Variants in HSD17B7 observed in about 807,000 individuals in gnomAD.
HSD17B7 encodes 3-keto-steroid reductase/17-beta-hydroxysteroid dehydrogenase 7.
A neutral mutation model predicts 34.1 loss-of-function variants in HSD17B7; 17 were observed. The ratio of observed to expected loss-of-function variants is 0.50; its 90% confidence interval spans 0.34 to 0.75. HSD17B7 has a LOEUF of 0.75. Ranked by LOEUF, HSD17B7 falls within the 30% of genes least tolerant of loss-of-function variation. HSD17B7 has a pLI of 0.01. For synonymous variants in HSD17B7, 122 were observed against 154.6 expected (o/e 0.79, Z 1.56); for missense variants, 296 against 406.6 (o/e 0.73, Z 2.34).
chr1:162,799,357 A>G (rs1315768655), intron 4 of HSD17B7: 2 of 158,004 alleles, frequency 1.3e-5, no homozygotes, highest in South Asian at 1.9e-4. Context: ...GTTTCTTACT[A>G]TCTGGCACTA....
intron 8 of HSD17B7, among the ~76,000 whole-genome samples, chr1:162,808,765 T>TC (rs1558097627): frequency 6.7e-5 from 10 of 148,590 alleles, no homozygotes; most frequent in African/African-American, 2.4e-4. Context: ...TTTGGCTCTC[T>TC]GTTTGTCTGT....
intron 8 of HSD17B7, among the ~76,000 whole-genome samples, chr1:162,807,719 G>A (rs537743889): frequency 6.6e-6 from 1 of 152,204 alleles, no homozygotes; most frequent in East Asian, 1.9e-4. Flanking sequence ...TTTCTCTGAT[G>A]GCCAGTGATG....
chr1:162,806,104 T>G (rs1648973711), intron 8 of HSD17B7, among the ~76,000 whole-genome samples: 1 of 152,196 alleles, frequency 6.6e-6, no homozygotes, highest in Non-Finnish European at 1.5e-5. Context: ...TGGTATAATC[T>G]AAAATGAAAT....
At chr1:162,809,694 G>A (rs1159721523) in intron 8 of HSD17B7, among the ~76,000 whole-genome samples, 1 of 152,018 alleles carries the variant, frequency 6.6e-6, no homozygotes, top group Non-Finnish European at 1.5e-5. Flanking sequence ...TTTAGTCTTG[G>A]GAGGGTGTAA....
intron 8 of HSD17B7, among the ~76,000 whole-genome samples, chr1:162,805,917 C>T (rs1332113078): frequency 1.3e-5 from 2 of 152,106 alleles, no homozygotes; most frequent in Non-Finnish European, 2.9e-5. Context: ...ACATGGTAGA[C>T]GCTCAGTAAA....
At chr1:162,791,581 T>C (rs1648407501) in intron 1 of HSD17B7, among the ~76,000 whole-genome samples, 1 of 110,254 alleles carries the variant, frequency 9.1e-6, no homozygotes, top group Admixed American at 1.1e-4. Context: ...TGATCCACTT[T>C]CAATTATTTA....
At chr1:162,800,307 CG>C (rs1648764631) in intron 5 of HSD17B7, 1 of 461,812 alleles carries the variant, frequency 2.2e-6, no homozygotes, top group African/African-American at 2.0e-5. Flanking sequence ...CACTAAATCT[CG>C]GAGAACTTAA....
chr1:162,808,524 T>C (rs1649065276), intron 8 of HSD17B7, among the ~76,000 whole-genome samples: 2 of 152,206 alleles, frequency 1.3e-5, no homozygotes, highest in African/African-American at 4.8e-5. Flanking sequence ...GGTAGCTTGA[T>C]GGGGATGGCA....
chr1:162,792,681 A>C lies in HSD17B7; in HGVS notation c.58A>C (p.Lys20Gln). The C allele has an allele frequency of 3.7e-6, 6 of 1,613,516 alleles. No individual in the cohort carries two copies. Among genetic ancestry groups the C allele is most frequent in the Non-Finnish European group, 5.1e-6 (6 of 1,179,766 alleles). ...ASSGIGLALC[K>Q]RLLAEDDELH... Reference sequence around the variant, plus strand: ...CAGTGGCATTGGCCTGGCCCTCTGCAAGCGGCTGCTGGCGGAAGATGATGA... The same window carrying C: ...CAGTGGCATTGGCCTGGCCCTCTGCCAGCGGCTGCTGGCGGAAGATGATGA... The change falls in exon 2 of 9, where the codon AAG becomes CAG. Residue 20 changes from lysine to glutamine, a missense_variant. Lys to Gln is a moderately conservative substitution (Grantham distance 53). Transcript: ENST00000254521.
At chr1:162,800,988 C>T (rs1025306711) in intron 5 of HSD17B7, among the ~76,000 whole-genome samples, 10 of 151,158 alleles carry the variant, frequency 6.6e-5, no homozygotes, top group Non-Finnish European at 1.2e-4. Flanking sequence ...TGATGCCCCC[C>T]TTTTTTTTTG....
At chr1:162,797,957 A>G in intron 4 of HSD17B7, 41 bp downstream of exon 4, 1 of 1,607,190 alleles carries the variant, frequency 6.2e-7, no homozygotes, top group South Asian at 1.1e-5. Flanking sequence ...ATTTCGTGTG[A>G]TAGTTTCTGT....
chr1:162,797,977 G>A (rs1648677789), intron 4 of HSD17B7, 61 bp downstream of exon 4: 1 of 1,577,378 alleles, frequency 6.3e-7, no homozygotes, highest in African/African-American at 1.4e-5. Context: ...TAAAGCTCTG[G>A]GCACAGGGCA....
At chr1:162,812,146 A>C in intron 8 of HSD17B7, 152 bp from the exon 9 acceptor site, 1 of 952,746 alleles carries the variant, frequency 1.0e-6, no homozygotes, top group Non-Finnish European at 1.5e-6. Flanking sequence ...GTATGTCTTC[A>C]GGCTCTCAGC....
intron 4 of HSD17B7, chr1:162,798,434 TGAG>T (rs1648692840): frequency 6.5e-6 from 1 of 153,174 alleles, no homozygotes; most frequent in Admixed American, 6.5e-5. Context: ...TTGACAGTTT[TGAG>T]GAGTACTGCT....
At chr1:162,804,002 T>C (rs1466429973) in intron 6 of HSD17B7, among the ~76,000 whole-genome samples, 1 of 152,220 alleles carries the variant, frequency 6.6e-6, no homozygotes, top group East Asian at 1.9e-4. Context: ...GAAATGATTC[T>C]CTCTTTAGGG....
chr1:162,808,007 A>C (rs1045291671), intron 8 of HSD17B7, among the ~76,000 whole-genome samples: 2 of 152,066 alleles, frequency 1.3e-5, no homozygotes. Context: ...TTTTGTTGCC[A>C]TTGCTTTTGG....
chr1:162,806,191 T>C (rs1262262805), intron 8 of HSD17B7, among the ~76,000 whole-genome samples: 1 of 152,188 alleles, frequency 6.6e-6, no homozygotes, highest in Non-Finnish European at 1.5e-5. Flanking sequence ...ACTTTTGTCA[T>C]GCGTAAGGTT....
intron 1 of HSD17B7, 29 bp downstream of exon 1, chr1:162,790,864 G>T (rs764418569): frequency 2.5e-5 from 41 of 1,610,838 alleles, no homozygotes; most frequent in Middle Eastern, 1.7e-4. Flanking sequence ...TGGCAGAGGC[G>T]GCAGCGGATC....
chr1:162,791,198 G>T (rs1648394166), intron 1 of HSD17B7, among the ~76,000 whole-genome samples: 5 of 152,072 alleles, frequency 3.3e-5, no homozygotes, highest in African/African-American at 1.2e-4. Context: ...ACGTGATCAT[G>T]TCTTATACTC....
Sources: allele counts gnomAD v4.1 joint callset (sites outside exome capture counted in the v4.1 genomes callset), GRCh38; gene constraint gnomAD v4.1.1; transcripts MANE v1.5; gene names NCBI Gene and HGNC (gene_info 2026-07-23, HGNC 2026-07-21).